The following MDGA2 variants were observed in gnomAD, a reference collection of about 807,000 sequenced individuals.
MDGA2 encodes the protein MAM domain containing glycosylphosphatidylinositol anchor 2.
Under a neutral mutation model 117.8 loss-of-function variants are expected in MDGA2, and 40 were observed. The ratio of observed to expected loss-of-function variants is 0.34; its 90% CI spans 0.26 to 0.44. MDGA2 has a LOEUF of 0.44. MDGA2 is among the 20% of genes least tolerant of loss of function. The pLI, the probability that MDGA2 is intolerant of heterozygous loss-of-function variation, is 1.00. For synonymous variants in MDGA2, 452 were observed against 439.0 expected (o/e 1.03, Z -0.37); for missense variants, 1,123 against 1,250.6 (o/e 0.90, Z 1.54).
intron 6 of MDGA2, among the ~76,000 whole-genome samples, chr14:47,093,172 T>A (rs1221798073): frequency 6.6e-6 from 1 of 151,936 alleles, no homozygotes; most frequent in East Asian, 1.9e-4. Flanking sequence ...CCAGCCAAAG[T>A]GGACCCAAGC....
intron 6 of MDGA2, among the ~76,000 whole-genome samples, chr14:47,068,373 T>C (rs1890157950): frequency 6.9e-6 from 1 of 144,468 alleles, no homozygotes; most frequent in Non-Finnish European, 1.5e-5. Flanking sequence ...ATTATTATTT[T>C]GCCATTCCTA....
In MDGA2 at chr14:46,873,498, G is replaced by A. The variant is rs368586339; in HGVS notation, c.2687C>T (p.Pro896Leu). The change falls in exon 14 of 17, where the codon CCT (proline) becomes CTT (leucine). Residue 896 changes from proline to leucine, a missense_variant. Coordinates refer to ENST00000399232, the MANE Select transcript of MDGA2 (RefSeq NM_001113498.3). Reference sequence around the variant, plus strand: ...ATATGCAGTGTTTGTGGGTCCATAAGGGTTTTTGGGAGCTATGCTGAAAAC... The same window carrying A: ...ATATGCAGTGTTTGTGGGTCCATAAAGGTTTTTGGGAGCTATGCTGAAAAC... Reference protein sequence around the residue: ...SPVFSIAPKNPYGPTNTAYCF... With the variant: ...SPVFSIAPKNLYGPTNTAYCF... 1 of 1,612,564 alleles carries A rather than the reference G, an allele frequency of 6.2e-7. No homozygotes were observed. The highest frequency in any genetic ancestry group is 8.5e-7 in the Non-Finnish European group (1 of 1,179,052).
At chr14:47,479,005 C>T (rs1193696698) in intron 1 of MDGA2, among the ~76,000 whole-genome samples, 2 of 152,074 alleles carry the variant, frequency 1.3e-5, no homozygotes, top group Non-Finnish European at 2.9e-5. Context: ...CAATTAGTTC[C>T]GAGAGTAACA....
intron 2 of MDGA2, among the ~76,000 whole-genome samples, chr14:47,239,795 T>A (rs1278685489): frequency 6.6e-6 from 1 of 151,926 alleles, no homozygotes; most frequent in Non-Finnish European, 1.5e-5. Flanking sequence ...GTTATTTTCC[T>A]CCACATACAC....
chr14:47,019,575 A>G (rs545886250), intron 8 of MDGA2, among the ~76,000 whole-genome samples: 3 of 152,110 alleles, frequency 2.0e-5, no homozygotes, highest in Admixed American at 1.3e-4. Context: ...CGGGCGCGGT[A>G]GCTCACGCCT....
In MDGA2 at chr14:47,131,799, A is replaced by T. The variant is rs756647379; in HGVS notation, c.840T>A (p.Tyr280Ter). The T allele has an allele frequency of 6.3e-7, 1 of 1,597,700 alleles. No homozygotes were observed. The highest frequency in any genetic ancestry group is 8.6e-7 in the Non-Finnish European group (1 of 1,167,846). The change falls in exon 5 of 17, where the codon TAT becomes TAA. Residue 280 changes from tyrosine (Y) to a stop codon, truncating the protein, a stop_gained. Transcript: ENST00000399232. LOFTEE classifies it high-confidence loss of function. ...CTGAAGCAATGCAGCTATAATTAGC[A>T]TAGTCCTGAGGTCGAAGATTCTTTA... ...LKLKNLRPQD[Y>*]ANYSCIASVR...
intron 1 of MDGA2, among the ~76,000 whole-genome samples, chr14:47,466,285 G>A (rs573934922): frequency 2.6e-5 from 4 of 151,886 alleles, no homozygotes; most frequent in Admixed American, 6.6e-5. Flanking sequence ...GTCTATCTAC[G>A]TAACAAAGAT....
At chr14:47,384,238 TG>T in intron 1 of MDGA2, among the ~76,000 whole-genome samples, 1 of 150,830 alleles carries the variant, frequency 6.6e-6, no homozygotes, top group East Asian at 2.0e-4. Flanking sequence ...GCAGCATTGA[TG>T]GAGGCAAAGG....
chr14:47,163,725 T>C (rs1883741383), intron 3 of MDGA2, among the ~76,000 whole-genome samples: 1 of 152,198 alleles, frequency 6.6e-6, no homozygotes, highest in South Asian at 2.1e-4. Flanking sequence ...AAAACACATT[T>C]AGCCAACCTT....
chr14:47,484,633 C>G (rs1283329773), intron 1 of MDGA2, among the ~76,000 whole-genome samples: 1 of 152,190 alleles, frequency 6.6e-6, no homozygotes, highest in African/African-American at 2.4e-5. Flanking sequence ...TGGTTTGCAT[C>G]TCTGTCCCCA....
At position 47,157,075 on chromosome 14, in the gene MDGA2, T is replaced by C. The variant is rs568826869; in HGVS notation, c.596-12801A>G. The stretch of plus-strand genomic sequence containing the variant: ...GAACAAAGCATCAATATAAATGATT[T>C]GTAATTCTGCAGATATCAATTCAAA... On this transcript the variant is annotated intron_variant, in intron 3 of 16. Coordinates refer to ENST00000399232, the MANE Select transcript of MDGA2 (RefSeq NM_001113498.3). Among the ~76,000 whole-genome samples the C allele has an allele frequency of 5.3e-5, 8 of 152,326 alleles. No individual in the cohort carries two copies. In the East Asian group the frequency reaches 1.5e-3, roughly 29 times the overall value.
intron 9 of MDGA2, among the ~76,000 whole-genome samples, chr14:46,943,692 C>T (rs536018517): frequency 1.3e-5 from 2 of 152,168 alleles, no homozygotes; most frequent in Middle Eastern, 3.4e-3. Flanking sequence ...TTAATTCCAT[C>T]GCTTGTGCTA....
At chr14:47,068,882 T>C (rs933814050) in intron 6 of MDGA2, among the ~76,000 whole-genome samples, 2 of 152,154 alleles carry the variant, frequency 1.3e-5, no homozygotes, top group Non-Finnish European at 2.9e-5. Flanking sequence ...TTTCTTGAGC[T>C]TTTTTGTTTT....
intron 1 of MDGA2, among the ~76,000 whole-genome samples, chr14:47,392,685 T>C (rs1345880708): frequency 1.3e-5 from 2 of 152,140 alleles, no homozygotes; most frequent in African/African-American, 2.4e-5. Flanking sequence ...GGAGCTGCTT[T>C]ACATGGCAAT....
intron 9 of MDGA2, among the ~76,000 whole-genome samples, chr14:46,943,879 G>A (rs1045957656): frequency 6.6e-6 from 1 of 152,170 alleles, no homozygotes; most frequent in Admixed American, 6.6e-5. Flanking sequence ...TAGCATGAAA[G>A]CAGCTTTAGA....
intron 3 of MDGA2, among the ~76,000 whole-genome samples, chr14:47,202,118 T>G (rs990187596): frequency 6.6e-6 from 1 of 152,214 alleles, no homozygotes. Context: ...TTTATTGAGT[T>G]CTTACCATGT....
intron 9 of MDGA2, among the ~76,000 whole-genome samples, chr14:46,931,254 G>C (rs549403717): frequency 4.0e-5 from 6 of 148,192 alleles, no homozygotes; most frequent in Non-Finnish European, 8.9e-5. Context: ...TCTTTTTATT[G>C]AGATAGTCTT....
At chr14:47,039,141 G>C (rs1235071477) in intron 7 of MDGA2, among the ~76,000 whole-genome samples, 1 of 152,076 alleles carries the variant, frequency 6.6e-6, no homozygotes, top group Non-Finnish European at 1.5e-5. Flanking sequence ...TCTGTTGAGA[G>C]ATCTCATTTG....
chr14:47,115,361 T>G (rs1359354376), intron 5 of MDGA2, among the ~76,000 whole-genome samples: 1 of 152,014 alleles, frequency 6.6e-6, no homozygotes, highest in Admixed American at 6.6e-5. Context: ...ATGTGTGCAT[T>G]GAAGATGTCT....
Sources: allele counts gnomAD v4.1 joint callset (sites outside exome capture counted in the v4.1 genomes callset), GRCh38; gene constraint gnomAD v4.1.1; transcripts MANE v1.5; gene names NCBI Gene and HGNC (gene_info 2026-07-23, HGNC 2026-07-21).